ZNF804A: variants seen among roughly 807,000 people sequenced by gnomAD.
ZNF804A encodes the protein zinc finger protein 804A.
ZNF804A carries 2 observed loss-of-function variants against 16.5 expected under a neutral mutation model. That is an observed-to-expected ratio of 0.12 (90% CI 0.05 to 0.38). The LOEUF is 0.38. ZNF804A is among the 10% of genes least tolerant of loss of function. The pLI, the probability that ZNF804A is intolerant of heterozygous loss-of-function variation, is 0.99. For missense variants in ZNF804A, 1,473 were observed against 1,390.7 expected (o/e 1.06, Z -0.94); for synonymous variants, 534 against 489.6 (o/e 1.09, Z -1.20).
At chr2:184,891,864 G>A (rs145956853) in intron 2 of ZNF804A, among the ~76,000 whole-genome samples, 55 of 152,204 alleles carry the variant, frequency 3.6e-4, no homozygotes, top group African/African-American at 1.3e-3. Context: ...ATAAATTGAC[G>A]TGACCTTGAC....
intron 1 of ZNF804A, among the ~76,000 whole-genome samples, chr2:184,749,736 T>A (rs913809841): frequency 1.3e-5 from 2 of 151,282 alleles, no homozygotes; most frequent in African/African-American, 4.8e-5. Context: ...ATTCCCTAAT[T>A]TATTACTTTA....
At chr2:184,605,586 T>C (rs1457537989) in intron 1 of ZNF804A, among the ~76,000 whole-genome samples, 1 of 152,100 alleles carries the variant, frequency 6.6e-6, no homozygotes, top group Non-Finnish European at 1.5e-5. Flanking sequence ...CCCTAAATAA[T>C]ACAGTATAAC....
intron 1 of ZNF804A, among the ~76,000 whole-genome samples, chr2:184,727,845 A>G (rs938032892): frequency 2.0e-5 from 3 of 151,760 alleles, no homozygotes; most frequent in East Asian, 1.9e-4. Context: ...TCCATCTTAG[A>G]TAGCTTGTTC....
At chr2:184,680,707 A>T (rs1692526463) in intron 1 of ZNF804A, among the ~76,000 whole-genome samples, 1 of 152,238 alleles carries the variant, frequency 6.6e-6, no homozygotes, top group African/African-American at 2.4e-5. Context: ...TGGATGTGGG[A>T]CAATAACTTG....
At chr2:184,671,804 A>G (rs765580348) in intron 1 of ZNF804A, among the ~76,000 whole-genome samples, 2 of 152,196 alleles carry the variant, frequency 1.3e-5, no homozygotes, top group Admixed American at 6.5e-5. Context: ...AGATTCACAA[A>G]TCTCTTTGCT....
At chr2:184,890,127 G>A (rs946954060) in intron 2 of ZNF804A, among the ~76,000 whole-genome samples, 1 of 152,098 alleles carries the variant, frequency 6.6e-6, no homozygotes, top group African/African-American at 2.4e-5. Flanking sequence ...ATCAAGGAAA[G>A]TATGATTCAT....
chr2:184,644,974 C>T (rs1007319480), intron 1 of ZNF804A, among the ~76,000 whole-genome samples: 9 of 151,954 alleles, frequency 5.9e-5, no homozygotes, highest in African/African-American at 2.2e-4. Flanking sequence ...GTTTACATTT[C>T]CTTTTTTCAT....
intron 1 of ZNF804A, among the ~76,000 whole-genome samples, chr2:184,841,308 C>T (rs952625486): frequency 3.7e-4 from 56 of 152,258 alleles, no homozygotes; most frequent in African/African-American, 1.3e-3. Flanking sequence ...AAAATATCTT[C>T]TAACTAAATA....
chr2:184,816,685 T>TA (rs1694988379), intron 1 of ZNF804A, among the ~76,000 whole-genome samples: 1 of 151,992 alleles, frequency 6.6e-6, no homozygotes, highest in Non-Finnish European at 1.5e-5. Context: ...ATGTTACCGT[T>TA]ATCTCCCCTG....
chr2:184,892,483 C>CTTTTTTTTTTTTTTTTTTTT, intron 2 of ZNF804A, among the ~76,000 whole-genome samples: 1 of 105,742 alleles, frequency 9.5e-6, no homozygotes, highest in Non-Finnish European at 1.8e-5. Context: ...TTGTTGTGTT[C>CTTTTTTTTTTTTTTTTTTTT]TTTTTTTTTT....
chr2:184,789,024 T>C (rs1694491497), intron 1 of ZNF804A, among the ~76,000 whole-genome samples: 1 of 152,016 alleles, frequency 6.6e-6, no homozygotes, highest in South Asian at 2.1e-4. Context: ...TATGTCCTAG[T>C]TTGTTGAAGG....
chr2:184,847,173 G>T (rs541885520), intron 1 of ZNF804A, among the ~76,000 whole-genome samples: 3 of 151,994 alleles, frequency 2.0e-5, no homozygotes, highest in South Asian at 2.1e-4. Context: ...AATTTAGCTC[G>T]CCAGAGGAAT....
At chr2:184,645,935 C>T (rs1366924346) in intron 1 of ZNF804A, among the ~76,000 whole-genome samples, 1 of 152,142 alleles carries the variant, frequency 6.6e-6, no homozygotes, top group Non-Finnish European at 1.5e-5. Flanking sequence ...GTCACCTTTC[C>T]ACTGGGCTTT....
intron 1 of ZNF804A, among the ~76,000 whole-genome samples, chr2:184,702,452 T>C (rs565123465): frequency 3.2e-4 from 48 of 152,202 alleles, no homozygotes; most frequent in African/African-American, 1.2e-3. Context: ...ATCTGAATAA[T>C]CCCTTTAGTT....
chr2:184,733,554 C>T (rs981594467), intron 1 of ZNF804A, among the ~76,000 whole-genome samples: 5 of 152,024 alleles, frequency 3.3e-5, no homozygotes, highest in African/African-American at 1.2e-4. Context: ...AGGGAAACTT[C>T]CTTCTGCTTT....
intron 1 of ZNF804A, among the ~76,000 whole-genome samples, chr2:184,826,239 A>G (rs927388301): frequency 6.6e-6 from 1 of 152,066 alleles, no homozygotes; most frequent in Non-Finnish European, 1.5e-5. Context: ...AAAACTGTAC[A>G]TCTATTTGCA....
chr2:184,610,810 C>A (rs1228595241), intron 1 of ZNF804A, among the ~76,000 whole-genome samples: 1 of 152,146 alleles, frequency 6.6e-6, no homozygotes, highest in Non-Finnish European at 1.5e-5. Flanking sequence ...TACAGCCAGT[C>A]ACTTGTGTTA....
intron 1 of ZNF804A, among the ~76,000 whole-genome samples, chr2:184,800,356 CT>C (rs141621883): frequency 0.14 from 21,838 of 151,194 alleles, 1,677 homozygotes; most frequent in Middle Eastern, 0.24. Context: ...TTAAATTGTT[CT>C]TTTTAATTAC....
chr2:184,909,188 A>C (rs1209913707), intron 2 of ZNF804A, among the ~76,000 whole-genome samples: 2 of 152,110 alleles, frequency 1.3e-5, no homozygotes, highest in Non-Finnish European at 2.9e-5. Flanking sequence ...AGCAACAATG[A>C]AATGAGACTG....
Sources: gnomAD v4.1 joint callset for allele counts (sites outside exome capture counted in the v4.1 genomes callset) on GRCh38, gnomAD v4.1.1 for gene constraint, MANE v1.5 for transcripts, NCBI Gene and HGNC (gene_info 2026-07-23, HGNC 2026-07-21) for gene names.